Variants in BCKDHB observed in about 807,000 individuals in gnomAD.
BCKDHB encodes 2-oxoisovalerate dehydrogenase subunit beta, mitochondrial.
BCKDHB carries 41 observed loss-of-function variants against 48.5 expected under a neutral mutation model. That is an observed-to-expected ratio of 0.85 (90% CI 0.66 to 1.10). The LOEUF is 1.10. Among genes scored for constraint, BCKDHB ranks in the 50% least tolerant of loss-of-function variants. The pLI, the probability that BCKDHB is intolerant of heterozygous loss-of-function variation, is 0.00. For missense variants in BCKDHB, 496 were observed against 494.2 expected (o/e 1.00, Z -0.03); for synonymous variants, 201 against 174.8 (o/e 1.15, Z -1.18).
the BCKDHB span, among the ~76,000 whole-genome samples, chr6:80,359,753 C>A: frequency 6.6e-6 from 1 of 152,050 alleles, no homozygotes; most frequent in Non-Finnish European, 1.5e-5. Flanking sequence ...TGCCACCACG[C>A]CTGGCTAATT....
chr6:80,313,391 C>G (rs565508529), intron 9 of BCKDHB, among the ~76,000 whole-genome samples: 1 of 152,052 alleles, frequency 6.6e-6, no homozygotes, highest in African/African-American at 2.4e-5. Context: ...GATGGAGTCT[C>G]GCTTTGTCAC....
intron 1 of BCKDHB, chr6:80,127,280 G>A (rs951172780): frequency 1.7e-5 from 7 of 408,088 alleles, no homozygotes; most frequent in South Asian, 6.7e-5. Context: ...TTGTCTACAC[G>A]CATTTAGTCA....
chr6:80,138,616 C>T (rs1321203681), intron 3 of BCKDHB, among the ~76,000 whole-genome samples: 3 of 152,162 alleles, frequency 2.0e-5, no homozygotes, highest in Non-Finnish European at 4.4e-5. Flanking sequence ...CTACAAAGGA[C>T]ATGAACTCAT....
chr6:80,196,644 A>T (rs182036852), intron 6 of BCKDHB, among the ~76,000 whole-genome samples: 1 of 152,142 alleles, frequency 6.6e-6, no homozygotes, highest in Non-Finnish European at 1.5e-5. Context: ...TGGTATATAT[A>T]TATATTATTT....
At chr6:80,162,668 T>C (rs757311010) in intron 3 of BCKDHB, among the ~76,000 whole-genome samples, 10 of 151,922 alleles carry the variant, frequency 6.6e-5, no homozygotes, top group African/African-American at 2.4e-4. Flanking sequence ...CTGGCCAACA[T>C]GGTGAAACCC....
At chr6:80,177,299 A>G (rs941752420) in intron 6 of BCKDHB, among the ~76,000 whole-genome samples, 5 of 151,514 alleles carry the variant, frequency 3.3e-5, no homozygotes, top group Admixed American at 6.6e-5. Flanking sequence ...ACACTTGAGA[A>G]TACAAGAAGG....
intron 1 of BCKDHB, among the ~76,000 whole-genome samples, chr6:80,121,273 G>A (rs546815608): frequency 1.1e-4 from 17 of 152,308 alleles, no homozygotes; most frequent in Middle Eastern, 3.4e-3. Flanking sequence ...TAGCCTTGTA[G>A]TATAGTTTGA....
intron 8 of BCKDHB, among the ~76,000 whole-genome samples, chr6:80,213,752 T>A (rs1033394926): frequency 1.3e-5 from 2 of 152,056 alleles, no homozygotes; most frequent in African/African-American, 2.4e-5. Context: ...TCTCTCCAGC[T>A]CTTTTTCCTG....
chr6:80,404,846 A>T, the BCKDHB span, among the ~76,000 whole-genome samples: 18 of 151,928 alleles, frequency 1.2e-4, no homozygotes, highest in African/African-American at 3.9e-4. Flanking sequence ...TATTTGTGAA[A>T]TTTTCCAGTT....
chr6:80,124,087 G>A (rs564017052), intron 1 of BCKDHB, among the ~76,000 whole-genome samples: 7 of 152,290 alleles, frequency 4.6e-5, no homozygotes, highest in South Asian at 2.1e-4. Context: ...ATTCTGGTAC[G>A]TTGTGTCTTT....
chr6:80,377,230 C>A, the BCKDHB span, among the ~76,000 whole-genome samples: 17 of 151,818 alleles, frequency 1.1e-4, no homozygotes, highest in African/African-American at 4.1e-4. Context: ...TTAGTAGAGA[C>A]GAGGTTTCAC....
At chr6:80,255,932 G>C (rs531336420) in intron 8 of BCKDHB, among the ~76,000 whole-genome samples, 1 of 152,240 alleles carries the variant, frequency 6.6e-6, no homozygotes, top group African/African-American at 2.4e-5. Context: ...TTTGACTACT[G>C]GTTCCTGGTG....
chr6:80,347,903 C>T (rs1770279766), downstream of BCKDHB, among the ~76,000 whole-genome samples: 1 of 152,108 alleles, frequency 6.6e-6, no homozygotes, highest in Non-Finnish European at 1.5e-5. Context: ...GGCAAGAAGG[C>T]ACTTGAGAGA....
chr6:80,232,582 GTA>G (rs914337767), intron 8 of BCKDHB, among the ~76,000 whole-genome samples: 11 of 149,482 alleles, frequency 7.4e-5, no homozygotes, highest in Non-Finnish European at 1.5e-4. Flanking sequence ...ATATGTATGT[GTA>G]TATATATACT....
At chr6:80,399,316 C>G in the BCKDHB span, among the ~76,000 whole-genome samples, 1 of 151,868 alleles carries the variant, frequency 6.6e-6, no homozygotes, top group African/African-American at 2.4e-5. Flanking sequence ...TCAAACTGTC[C>G]GTTTGCAAAC....
At chr6:80,378,465 G>A in the BCKDHB span, among the ~76,000 whole-genome samples, 5 of 152,056 alleles carry the variant, frequency 3.3e-5, no homozygotes, top group Admixed American at 2.0e-4. Flanking sequence ...ATGTGTGTGT[G>A]TGTATATATA....
intron 9 of BCKDHB, among the ~76,000 whole-genome samples, chr6:80,299,536 G>A (rs1271680012): frequency 2.0e-5 from 3 of 152,136 alleles, no homozygotes; most frequent in East Asian, 1.9e-4. Context: ...AGTCCATAAA[G>A]TGAAAGCAAG....
chr6:80,394,942 CCT>C, the BCKDHB span, among the ~76,000 whole-genome samples: 1 of 152,026 alleles, frequency 6.6e-6, no homozygotes. Context: ...GGAGCTTTTC[CCT>C]GTTTGTTTGG....
the BCKDHB span, among the ~76,000 whole-genome samples, chr6:80,357,068 TTTA>T: frequency 6.6e-6 from 1 of 151,792 alleles, no homozygotes; most frequent in Non-Finnish European, 1.5e-5. Context: ...CTTTAAAAAG[TTTA>T]TTATTTAGGG....
Sources: allele counts gnomAD v4.1 joint callset (sites outside exome capture counted in the v4.1 genomes callset), GRCh38; gene constraint gnomAD v4.1.1; transcripts MANE v1.5; gene names NCBI Gene and HGNC (gene_info 2026-07-23, HGNC 2026-07-21).